SUPT3H: variants seen among roughly 807,000 people sequenced by gnomAD.
The protein encoded by SUPT3H is transcription initiation protein SPT3 homolog.
In SUPT3H, 44 loss-of-function variants were observed where a neutral mutation model predicts 44.3. That is an observed-to-expected ratio of 0.99 (90% CI 0.78 to 1.28). The LOEUF is 1.28. SUPT3H is among the 50% of genes most tolerant of loss of function. The pLI is 0.00. For synonymous variants in SUPT3H, 124 were observed against 125.6 expected (o/e 0.99, Z 0.09); for missense variants, 380 against 387.1 (o/e 0.98, Z 0.15).
intron 3 of SUPT3H, among the ~76,000 whole-genome samples, chr6:45,062,943 C>A (rs1243719523): frequency 2.0e-5 from 3 of 151,914 alleles, no homozygotes; most frequent in Non-Finnish European, 4.4e-5. Flanking sequence ...GAAACTCGAA[C>A]TGGGTGGAGC....
intron 2 of SUPT3H, among the ~76,000 whole-genome samples, chr6:45,146,837 G>C (rs1242600320): frequency 6.6e-6 from 1 of 152,068 alleles, no homozygotes; most frequent in East Asian, 1.9e-4. Context: ...TAAGTAAGTA[G>C]GAGAGAATGG....
At chr6:44,905,085 A>C (rs75788226) in intron 10 of SUPT3H, among the ~76,000 whole-genome samples, 2 of 151,746 alleles carry the variant, frequency 1.3e-5, no homozygotes, top group Non-Finnish European at 2.9e-5. Flanking sequence ...AAACCTAGGC[A>C]ATACCATTCA....
At chr6:45,281,065 A>C (rs1289365782) in intron 2 of SUPT3H, among the ~76,000 whole-genome samples, 1 of 152,252 alleles carries the variant, frequency 6.6e-6, no homozygotes, top group Non-Finnish European at 1.5e-5. Context: ...TAAGCAACTT[A>C]TAAAAGACTG....
chr6:44,856,127 A>G (rs568839339), intron 10 of SUPT3H, among the ~76,000 whole-genome samples: 55 of 152,350 alleles, frequency 3.6e-4, no homozygotes, highest in African/African-American at 1.3e-3. Context: ...GCTGAATAAG[A>G]AAGGAAGAAA....
At position 44,958,582 on chromosome 6, in the gene SUPT3H, G is replaced by T. The variant is rs144965278; in HGVS notation, c.580+3171C>A. ...CAGTGTGTTCATTTCCCCATATAAGGGGGGACCTGGCGTCAATGTCTTCAT... is the reference window on the plus strand; with the variant it reads ...CAGTGTGTTCATTTCCCCATATAAGTGGGGACCTGGCGTCAATGTCTTCAT... On this transcript the variant is annotated intron_variant, in intron 7 of 10. Transcript: ENST00000371459. Among the ~76,000 whole-genome samples, 66 of 152,224 alleles carry T rather than the reference G, an allele frequency of 4.3e-4. No homozygotes were observed. In the East Asian group the frequency reaches 0.011, roughly 26 times the overall value.
chr6:45,201,282 C>T (rs1384417814), intron 2 of SUPT3H, among the ~76,000 whole-genome samples: 2 of 151,546 alleles, frequency 1.3e-5, no homozygotes, highest in Admixed American at 6.6e-5. Flanking sequence ...TGCAAATAAT[C>T]TCATACTGCA....
In SUPT3H at chr6:45,266,261, A is replaced by C. The variant is rs900628159; in HGVS notation, c.101+98940T>G. ...TTTACAATTCCAAATGCTAGATGTT[A>C]CTGTAAAAATTTTTTTTAAAAATCT... On this transcript the variant is annotated intron_variant, in intron 2 of 10. Transcript: ENST00000371459. 2.6e-5 allele frequency among the ~76,000 whole-genome samples: 4 copies of C among 152,116 alleles called. No individual in the cohort carries two copies. In the East Asian group the frequency reaches 7.7e-4, roughly 29 times the overall value.
At chr6:45,000,278 A>G (rs1339997312) in intron 6 of SUPT3H, among the ~76,000 whole-genome samples, 3 of 151,846 alleles carry the variant, frequency 2.0e-5, no homozygotes, top group Non-Finnish European at 4.4e-5. Context: ...TTTTTCTTTT[A>G]TGTTAAGTAT....
intron 2 of SUPT3H, among the ~76,000 whole-genome samples, chr6:45,133,955 A>G (rs1803877110): frequency 6.6e-6 from 1 of 151,898 alleles, no homozygotes; most frequent in Non-Finnish European, 1.5e-5. Flanking sequence ...TGAATTACAA[A>G]CCCCCAATGT....
At chr6:44,921,859 C>T (rs1768780452) in intron 10 of SUPT3H, among the ~76,000 whole-genome samples, 1 of 152,228 alleles carries the variant, frequency 6.6e-6, no homozygotes, top group South Asian at 2.1e-4. Context: ...CAAATACTCC[C>T]TCCCTGCTAT....
At chr6:45,158,244 A>ATAGT (rs1808207468) in intron 2 of SUPT3H, among the ~76,000 whole-genome samples, 1 of 127,546 alleles carries the variant, frequency 7.8e-6, no homozygotes, top group Non-Finnish European at 1.6e-5. Flanking sequence ...AGATAGATAG[A>ATAGT]TAATGCCTAT....
chr6:45,285,924 C>A (rs1485320290), intron 2 of SUPT3H, among the ~76,000 whole-genome samples: 1 of 150,444 alleles, frequency 6.6e-6, no homozygotes, highest in Non-Finnish European at 1.5e-5. Context: ...AAGAACAGAG[C>A]CCTCAGAAAT....
chr6:45,227,426 T>C (rs368945195), intron 2 of SUPT3H, among the ~76,000 whole-genome samples: 2 of 152,326 alleles, frequency 1.3e-5, no homozygotes, highest in East Asian at 3.9e-4. Flanking sequence ...AACTTAACTG[T>C]AGATTTCAGC....
chr6:45,270,867 T>C (rs1308978204), intron 2 of SUPT3H, among the ~76,000 whole-genome samples: 1 of 152,126 alleles, frequency 6.6e-6, no homozygotes, highest in Non-Finnish European at 1.5e-5. Flanking sequence ...GATAATGATA[T>C]GAACAATGAA....
At chr6:45,056,956 G>C (rs1431843892) in intron 3 of SUPT3H, among the ~76,000 whole-genome samples, 8 of 152,078 alleles carry the variant, frequency 5.3e-5, no homozygotes, top group Admixed American at 5.2e-4. Flanking sequence ...TCAATAAAAA[G>C]TGTCTCAGAG....
At chr6:44,833,878 C>CA (rs1282877520) in intron 10 of SUPT3H, among the ~76,000 whole-genome samples, 3 of 152,156 alleles carry the variant, frequency 2.0e-5, no homozygotes, top group Admixed American at 2.0e-4. Context: ...GGGTAAATTA[C>CA]AATTTTATTT....
chr6:45,065,099 T>C (rs1158728729), intron 3 of SUPT3H, among the ~76,000 whole-genome samples: 5 of 150,998 alleles, frequency 3.3e-5, no homozygotes, highest in African/African-American at 9.7e-5. Flanking sequence ...ACAGAAATTA[T>C]AACAAACTAT....
chr6:44,893,359 C>T (rs909556906), intron 10 of SUPT3H, among the ~76,000 whole-genome samples: 100 of 152,236 alleles, frequency 6.6e-4, no homozygotes, highest in African/African-American at 2.0e-3. Flanking sequence ...CTATATCTCC[C>T]AATGCTATCC....
chr6:45,280,281 C>G (rs1777777645), intron 2 of SUPT3H, among the ~76,000 whole-genome samples: 1 of 152,032 alleles, frequency 6.6e-6, no homozygotes, highest in Admixed American at 6.6e-5. Context: ...GTGGGTGTAT[C>G]ACTTGAGGTT....
Sources: gnomAD v4.1 joint callset for allele counts (sites outside exome capture counted in the v4.1 genomes callset) on GRCh38, gnomAD v4.1.1 for gene constraint, MANE v1.5 for transcripts, NCBI Gene and HGNC (gene_info 2026-07-23, HGNC 2026-07-21) for gene names.